The following OVCH2 variants were observed in gnomAD, a reference collection of about 807,000 sequenced individuals.
OVCH2 encodes the protein ovochymase 2, also known as ovochymase-2.
In OVCH2, 88 loss-of-function variants were observed where a neutral mutation model predicts 73.7. The ratio of observed to expected loss-of-function variants is 1.19; its 90% CI spans 1.01 to 1.43. The LOEUF is 1.43. OVCH2 is among the 40% of genes most tolerant of loss of function. The pLI is 0.00. For missense variants in OVCH2, 706 were observed against 674.5 expected, an observed-to-expected ratio of 1.05 and a Z score of -0.52; for synonymous variants, 265 against 234.5, an observed-to-expected ratio of 1.13 and a Z score of -1.19.
intron 11 of OVCH2, 78 bp downstream of exon 11, chr11:7,695,492 C>A: frequency 7.3e-7 from 1 of 1,372,334 alleles, no homozygotes; most frequent in Non-Finnish European, 1.0e-6. Flanking sequence ...GGGATCCCTG[C>A]CACTCACCTA....
Position 7,689,906 on chromosome 11 carries a change from G to A in OVCH2, c.*31+18C>T. ...GATTATACTCTGTGTGTATCAATTG[G>A]TCCCCAAAACAGCTTACCAGAAACA... On this transcript the variant is annotated intron_variant, in intron 15 of 15. Coordinates refer to ENST00000533663, the MANE Select transcript of OVCH2 (RefSeq NM_198185.7). The A allele has an allele frequency of 7.3e-7, 1 of 1,379,280 alleles. No individual in the cohort carries two copies. The highest frequency in any genetic ancestry group is 1.0e-6 in the Non-Finnish European group (1 of 1,004,524). The allele number at this position is 1,379,280 out of a possible 1,614,324, so 85.4% of individuals were successfully genotyped here.
chr11:7,689,067 G>C (rs1049507916), downstream of OVCH2, among the ~76,000 whole-genome samples: 1 of 152,182 alleles, frequency 6.6e-6, no homozygotes, highest in Non-Finnish European at 1.5e-5. Context: ...GCTTAGCTAG[G>C]TGACAATCCA....
the OVCH2 span, among the ~76,000 whole-genome samples, chr11:7,680,393 C>CT: frequency 8.0e-5 from 12 of 150,334 alleles, no homozygotes; most frequent in South Asian, 4.3e-4. Context: ...AGGACAAACA[C>CT]TTTTTTTTTT....
chr11:7,698,852 C>G (rs756689899), intron 7 of OVCH2, 79 bp from the exon 8 acceptor site: 1 of 1,441,488 alleles, frequency 6.9e-7, no homozygotes, highest in East Asian at 2.3e-5. Context: ...ATCTTCTTGG[C>G]GCACAAGAGA....
At chr11:7,686,386 C>T (rs1280730863), downstream of OVCH2, among the ~76,000 whole-genome samples, 1 of 152,174 alleles carries the variant, frequency 6.6e-6, no homozygotes, top group East Asian at 1.9e-4. Context: ...ATGCTATTAT[C>T]AATCTTACAT....
the OVCH2 span, among the ~76,000 whole-genome samples, chr11:7,681,790 G>C: frequency 2.6e-5 from 4 of 151,292 alleles, no homozygotes; most frequent in Non-Finnish European, 4.4e-5. Context: ...CCTGGGGATG[G>C]GCGCTTCAGA....
In OVCH2 at chr11:7,703,755, C is replaced by T. The variant is rs766400158; in HGVS notation, c.233G>A (p.Gly78Glu). The T allele has an allele frequency of 1.8e-5, 29 of 1,610,490 alleles. No homozygotes were observed. In the Admixed American group the frequency reaches 4.2e-4, roughly 23 times the overall value. Residue 78 changes from glycine (G) to glutamate (E), a missense_variant, in exon 3 of 16, where the codon GGA (glycine) becomes GAA (glutamate). Gly to Glu is a moderately conservative substitution (Grantham distance 98, BLOSUM62 -2). Coordinates refer to ENST00000533663, the MANE Select transcript of OVCH2 (RefSeq NM_198185.7). ...CCACTGTGGTGAGACGATGCTTCCTCCACAAATATGCTTCTGCCTTTGTTT... is the reference window on the plus strand; with the variant it reads ...CCACTGTGGTGAGACGATGCTTCCTTCACAAATATGCTTCTGCCTTTGTTT... ...SLKQRQKHIC[G>E]GSIVSPQWVI...
Position 7,691,412 on chromosome 11 carries a change from C to T in OVCH2, c.1508-12G>A. 6.2e-7 allele frequency: 1 copy of T among 1,608,394 alleles called. No homozygotes were observed. Among genetic ancestry groups the T allele is most frequent in the Non-Finnish European group, 8.5e-7 (1 of 1,176,404 alleles). ...GCCACACAGCCGAGCTTGTTGAAGGCCAGCCCAGGCATGACATTGTCAAGC... is the reference window on the plus strand; with the variant it reads ...GCCACACAGCCGAGCTTGTTGAAGGTCAGCCCAGGCATGACATTGTCAAGC... On this transcript the variant is annotated splice_polypyrimidine_tract_variant and intron_variant, in intron 13 of 15. Transcript: ENST00000533663.
intron 14 of OVCH2, 128 bp from the exon 15 acceptor site, chr11:7,690,141 T>C (rs1387153175): frequency 3.1e-6 from 2 of 636,930 alleles, no homozygotes; most frequent in Admixed American, 5.6e-5. Flanking sequence ...ACTCTATAGG[T>C]ATTTCAAATG....
Position 7,695,102 on chromosome 11 carries a change from T to C in OVCH2, c.1369A>G (p.Asn457Asp), listed in dbSNP as rs540270581. 3.2e-6 allele frequency: 5 copies of C among 1,551,424 alleles called. No homozygotes were observed. The Admixed American group carries it at 9.8e-5, about 30-fold the overall frequency. The change falls in exon 12 of 16, where the codon AAC becomes GAC. Residue 457 changes from asparagine (N) to aspartate (D), a missense_variant. Transcript: ENST00000533663. ...NYPENYSDKANCDWIFQASKH... is the reference protein window; with the variant it reads ...NYPENYSDKADCDWIFQASKH... ...GAGGCTTGAAAAATCCAGTCACAGT[T>C]AGCCTTGTCACTGTAGTTTTCAGGA...
rs1171291257 is a variant in OVCH2, at chr11:7,695,173, T to A, written c.1298A>T (p.Tyr433Phe). Residue 433 changes from tyrosine to phenylalanine, a missense_variant, in exon 12 of 16, where the codon TAC (tyrosine) becomes TTC (phenylalanine). Physicochemically the swap from Tyr to Phe is conservative, Grantham distance 22. Coordinates refer to ENST00000533663, the MANE Select transcript of OVCH2 (RefSeq NM_198185.7). The part of the protein sequence containing the change: ...PNYIPDSGCS[Y>F]LTVLFEEGLI... The stretch of plus-strand genomic sequence containing the variant: ...ACCTTCTTCAAAAAGGACAGTTAAG[T>A]AACTGCAACCTGAATCTGAAACGTA... 1.3e-6 allele frequency: 2 copies of A among 1,559,620 alleles called. No individual in the cohort carries two copies. The highest frequency in any genetic ancestry group is 1.7e-6 in the Non-Finnish European group (2 of 1,152,780).
intron 12 of OVCH2, among the ~76,000 whole-genome samples, chr11:7,693,675 A>G (rs1031601274): frequency 1.4e-4 from 21 of 152,158 alleles, no homozygotes; most frequent in African/African-American, 4.8e-4. Flanking sequence ...TTTGCCCCAA[A>G]TCTGTTTAGG....
In OVCH2 at chr11:7,691,344, G is replaced by A; in HGVS notation, c.1564C>T (p.Leu522Phe). 2 of 1,613,868 alleles carry A rather than the reference G, an allele frequency of 1.2e-6. No homozygotes were observed. Among genetic ancestry groups the A allele is most frequent in the Non-Finnish European group, 1.7e-6 (2 of 1,179,854 alleles). Residue 522 changes from leucine to phenylalanine, a missense_variant, in exon 14 of 16, where the codon CTC becomes TTC. By Grantham distance (22) the Leu-to-Phe change is conservative. Transcript: ENST00000533663. Reference sequence around the variant, plus strand: ...TTTTCATCTGATTGGAAGCTGATGAGCATGATGCTGGAGGGGCTCAGCACA... The same window carrying A: ...TTTTCATCTGATTGGAAGCTGATGAACATGATGCTGGAGGGGCTCAGCACA... Reference protein sequence around the residue: ...TPVLSPSSIMLISFQSDENGT... With the variant: ...TPVLSPSSIMFISFQSDENGT...
At chr11:7,695,478 G>T (rs1856312216) in intron 11 of OVCH2, 92 bp downstream of exon 11, 3 of 1,287,652 alleles carry the variant, frequency 2.3e-6, no homozygotes, top group Non-Finnish European at 3.2e-6. Context: ...TGGGCCTTGG[G>T]AGAGGGATCC....
downstream of OVCH2, among the ~76,000 whole-genome samples, chr11:7,689,075 CCA>C (rs1320710955): frequency 1.3e-5 from 2 of 152,148 alleles, no homozygotes; most frequent in African/African-American, 2.4e-5. Flanking sequence ...AGGTGACAAT[CCA>C]CAGTTATTAA....
At chr11:7,693,359 A>C (rs559070276) in intron 12 of OVCH2, among the ~76,000 whole-genome samples, 1 of 152,226 alleles carries the variant, frequency 6.6e-6, no homozygotes, top group African/African-American at 2.4e-5. Context: ...CTTTCTGGGA[A>C]GGGGCCCTTT....
intron 11 of OVCH2, 93 bp downstream of exon 11, chr11:7,695,477 G>T (rs1856312151): frequency 4.7e-6 from 6 of 1,280,974 alleles, no homozygotes; most frequent in Non-Finnish European, 5.4e-6. Context: ...TTGGGCCTTG[G>T]GAGAGGGATC....
At chr11:7,686,190 C>T (rs903952755), downstream of OVCH2, among the ~76,000 whole-genome samples, 13 of 152,186 alleles carry the variant, frequency 8.5e-5, no homozygotes, top group Non-Finnish European at 1.8e-4. Context: ...AAGTCCTGCT[C>T]CACCAGTTTA....
chr11:7,704,499 C>T (rs1282610530), intron 2 of OVCH2, 66 bp downstream of exon 2: 5 of 1,171,246 alleles, frequency 4.3e-6, no homozygotes, highest in South Asian at 1.5e-5. Flanking sequence ...TAAACTTAAC[C>T]TTAAAAATAT....
Sources: allele counts gnomAD v4.1 joint callset (sites outside exome capture counted in the v4.1 genomes callset), GRCh38; gene constraint gnomAD v4.1.1; transcripts MANE v1.5; gene names NCBI Gene and HGNC (gene_info 2026-07-23, HGNC 2026-07-21).